Variants in CADPS2 observed in about 807,000 individuals in gnomAD.
CADPS2 encodes the protein calcium dependent secretion activator 2.
Under a neutral mutation model 172.5 loss-of-function variants are expected in CADPS2, and 93 were observed. That is an observed-to-expected ratio of 0.54 (90% confidence interval 0.46 to 0.64). CADPS2 has a LOEUF of 0.64. CADPS2 is among the 30% of genes least tolerant of loss of function. The pLI is 0.00. For missense variants in CADPS2, 1,420 were observed against 1,565.9 expected, an observed-to-expected ratio of 0.91 and a Z score of 1.57; for synonymous variants, 546 against 555.2, an observed-to-expected ratio of 0.98 and a Z score of 0.23.
intron 2 of CADPS2, among the ~76,000 whole-genome samples, chr7:122,685,580 T>C (rs2083526115): frequency 6.6e-6 from 1 of 152,242 alleles, no homozygotes; most frequent in Non-Finnish European, 1.5e-5. Context: ...GTTCAGCTCA[T>C]TATCTTCTTG....
At chr7:122,581,666 G>A (rs974352899) in intron 6 of CADPS2, among the ~76,000 whole-genome samples, 8 of 152,222 alleles carry the variant, frequency 5.3e-5, no homozygotes, top group East Asian at 1.9e-4. Context: ...TTACGTAAGA[G>A]AGAGTTTCTC....
chr7:122,645,832 C>T (rs1346506618), intron 3 of CADPS2, among the ~76,000 whole-genome samples: 1 of 149,122 alleles, frequency 6.7e-6, no homozygotes, highest in Non-Finnish European at 1.5e-5. Flanking sequence ...ATATATAAAA[C>T]AACAGCAATA....
At chr7:122,618,006 T>A (rs562998094) in intron 5 of CADPS2, among the ~76,000 whole-genome samples, 17 of 150,634 alleles carry the variant, frequency 1.1e-4, no homozygotes, top group Admixed American at 8.6e-4. Context: ...ATCGTGCCAC[T>A]GCACTCCAGC....
intron 1 of CADPS2, among the ~76,000 whole-genome samples, chr7:122,862,472 A>C (rs577693473): frequency 5.9e-5 from 9 of 152,278 alleles, no homozygotes; most frequent in African/African-American, 1.9e-4. Flanking sequence ...CAGAGGCCTC[A>C]CTAAAAACCA....
intron 3 of CADPS2, among the ~76,000 whole-genome samples, chr7:122,645,658 G>GATACAT (rs1243016464): frequency 1.9e-5 from 2 of 106,656 alleles, no homozygotes; most frequent in African/African-American, 3.6e-5. Context: ...ATATCTCTAA[G>GATACAT]ATATATATAT....
At chr7:122,652,982 CT>C (rs2079336064) in intron 3 of CADPS2, among the ~76,000 whole-genome samples, 1 of 152,050 alleles carries the variant, frequency 6.6e-6, no homozygotes, top group African/African-American at 2.4e-5. Context: ...TGTAAATAGC[CT>C]TTTTCAGAAG....
chr7:122,390,383 G>T (rs1337257666), intron 22 of CADPS2, among the ~76,000 whole-genome samples: 1 of 152,114 alleles, frequency 6.6e-6, no homozygotes, highest in Non-Finnish European at 1.5e-5. Context: ...CAGCTTGGTA[G>T]ATTAGAGGAA....
chr7:122,594,205 T>C (rs564315956), intron 6 of CADPS2, among the ~76,000 whole-genome samples: 3 of 151,838 alleles, frequency 2.0e-5, no homozygotes, highest in Non-Finnish European at 4.4e-5. Flanking sequence ...GAGGCTGAGA[T>C]AGGAGGATTG....
chr7:122,398,121 G>A (rs1047038652), intron 20 of CADPS2, among the ~76,000 whole-genome samples: 2 of 151,910 alleles, frequency 1.3e-5, no homozygotes, highest in Admixed American at 1.3e-4. Context: ...GAAAATCCCC[G>A]ATAATAAATT....
At chr7:122,817,177 A>T (rs1416690082) in intron 1 of CADPS2, among the ~76,000 whole-genome samples, 3 of 152,158 alleles carry the variant, frequency 2.0e-5, no homozygotes, top group Non-Finnish European at 4.4e-5. Flanking sequence ...ACGCACATGA[A>T]ATTTGGTGCT....
At chr7:122,714,441 T>C (rs1396171371) in intron 2 of CADPS2, among the ~76,000 whole-genome samples, 2 of 152,110 alleles carry the variant, frequency 1.3e-5, no homozygotes, top group African/African-American at 4.8e-5. Flanking sequence ...TTTAAAATCT[T>C]TGGTAAACAA....
intron 25 of CADPS2, among the ~76,000 whole-genome samples, chr7:122,364,806 AAC>A (rs1374036439): frequency 6.6e-6 from 1 of 152,224 alleles, no homozygotes; most frequent in African/African-American, 2.4e-5. Flanking sequence ...ACAAAAACAC[AAC>A]AGTCTTAGAT....
At chr7:122,743,187 G>A (rs1296622057) in intron 1 of CADPS2, among the ~76,000 whole-genome samples, 2 of 152,074 alleles carry the variant, frequency 1.3e-5, no homozygotes, top group Non-Finnish European at 2.9e-5. Flanking sequence ...ACAACCAACA[G>A]ATTAGCCTTG....
intron 27 of CADPS2, among the ~76,000 whole-genome samples, chr7:122,359,559 C>T (rs567242354): frequency 6.6e-6 from 1 of 152,208 alleles, no homozygotes; most frequent in African/African-American, 2.4e-5. Context: ...CAAAATCAAA[C>T]AAAAACTATG....
intron 8 of CADPS2, among the ~76,000 whole-genome samples, chr7:122,543,497 T>A (rs1005344770): frequency 6.6e-6 from 1 of 152,156 alleles, no homozygotes; most frequent in Non-Finnish European, 1.5e-5. Context: ...AATAAACATG[T>A]GTTGAATAAC....
At chr7:122,636,762 C>T (rs374673556) in intron 3 of CADPS2, among the ~76,000 whole-genome samples, 9 of 152,202 alleles carry the variant, frequency 5.9e-5, no homozygotes, top group South Asian at 2.1e-4. Flanking sequence ...CCACCAAACT[C>T]GGTCTGCCTT....
Position 122,532,044 on chromosome 7 carries a change from AC to A in CADPS2, c.1476-18730del, listed in dbSNP as rs1388817572. 6.1e-3 allele frequency among the ~76,000 whole-genome samples: 900 copies of A among 148,276 alleles called. 8 individuals are homozygous for A. Among genetic ancestry groups the A allele is most frequent in the African/African-American group, 0.021 (837 of 40,048 alleles). ...AGACTCCGTCTCAAAAAAAAAAAAA[AC>A]AAAACAAACAAACAAACAAAATACT... On this transcript the variant is annotated intron_variant, in intron 8 of 29. Transcript: ENST00000449022.
chr7:122,828,791 T>C (rs1805673812), intron 1 of CADPS2, among the ~76,000 whole-genome samples: 1 of 152,210 alleles, frequency 6.6e-6, no homozygotes. Flanking sequence ...ATAATAGCTT[T>C]ACTGGATACA....
intron 20 of CADPS2, among the ~76,000 whole-genome samples, chr7:122,401,301 A>T (rs2151590562): frequency 6.6e-6 from 1 of 152,328 alleles, no homozygotes; most frequent in Admixed American, 6.5e-5. Context: ...TGTGCTAGCA[A>T]TGTGAAAAGG....
Sources: gnomAD v4.1 joint callset for allele counts (sites outside exome capture counted in the v4.1 genomes callset) on GRCh38, gnomAD v4.1.1 for gene constraint, MANE v1.5 for transcripts, NCBI Gene and HGNC (gene_info 2026-07-23, HGNC 2026-07-21) for gene names.